The following MYO16 variants were observed in gnomAD, a reference collection of about 807,000 sequenced individuals.
The protein encoded by MYO16 is myosin XVI.
Under a neutral mutation model 205.3 loss-of-function variants are expected in MYO16, and 94 were observed. The observed-to-expected ratio is 0.46, with a 90% CI of 0.39 to 0.54. The LOEUF is 0.54. Ranked by LOEUF, MYO16 falls within the 20% of genes least tolerant of loss-of-function variation. The pLI is 0.00. For missense variants in MYO16, 2,315 were observed against 2,387.5 expected, an observed-to-expected ratio of 0.97 and a Z score of 0.63; for synonymous variants, 988 against 954.0, an observed-to-expected ratio of 1.04 and a Z score of -0.66.
At chr13:108,991,328 T>C (rs9587734) in intron 20 of MYO16, among the ~76,000 whole-genome samples, 2,607 of 152,288 alleles carry the variant, frequency 0.017, 78 homozygotes, top group African/African-American at 0.06. Flanking sequence ...TTTTATCATC[T>C]GTAACTGTAG....
the MYO16 span, among the ~76,000 whole-genome samples, chr13:108,546,059 G>T: frequency 6.6e-6 from 1 of 152,276 alleles, no homozygotes; most frequent in African/African-American, 2.4e-5. Flanking sequence ...GTTATAGCTG[G>T]CCTGTGCGGC....
At chr13:108,714,612 GTATA>G (rs920115318) in intron 3 of MYO16, among the ~76,000 whole-genome samples, 30 of 140,930 alleles carry the variant, frequency 2.1e-4, no homozygotes, top group African/African-American at 7.4e-4. Flanking sequence ...GTGTGTGTGT[GTATA>G]TATATAGAGA....
At chr13:108,991,270 T>A (rs1434668693) in intron 20 of MYO16, among the ~76,000 whole-genome samples, 2 of 152,212 alleles carry the variant, frequency 1.3e-5, no homozygotes, top group Non-Finnish European at 2.9e-5. Context: ...GACTTGGGCC[T>A]GTCTTACATC....
At chr13:108,920,300 C>T (rs182073489) in intron 16 of MYO16, among the ~76,000 whole-genome samples, 10,348 of 138,700 alleles carry the variant, frequency 0.075, 489 homozygotes, top group Middle Eastern at 0.22. Flanking sequence ...CTCTTTCTTT[C>T]TCTTTCTCTT....
At chr13:109,120,611 A>T (rs1875944813) in intron 29 of MYO16, 145 bp downstream of exon 29, 1 of 568,312 alleles carries the variant, frequency 1.8e-6, no homozygotes, top group African/African-American at 1.9e-5. Context: ...TCAGGCAAAT[A>T]GTTTTTGGGT....
At chr13:108,640,017 A>G (rs905139456) in intron 1 of MYO16, among the ~76,000 whole-genome samples, 2 of 152,228 alleles carry the variant, frequency 1.3e-5, no homozygotes, top group Non-Finnish European at 2.9e-5. Flanking sequence ...GCTGTCCAGT[A>G]TGTAGCCATA....
chr13:109,150,206 C>A (rs1366172299), intron 32 of MYO16, among the ~76,000 whole-genome samples: 1 of 152,280 alleles, frequency 6.6e-6, no homozygotes, highest in African/African-American at 2.4e-5. Flanking sequence ...TTTGTCTCTA[C>A]AGCAACTTTC....
At chr13:109,114,701 A>G (rs975573166) in intron 28 of MYO16, among the ~76,000 whole-genome samples, 2 of 152,228 alleles carry the variant, frequency 1.3e-5, no homozygotes, top group Non-Finnish European at 1.5e-5. Context: ...CTATGTCTCC[A>G]TAAGTAACTG....
chr13:108,867,761 T>A (rs1878791664), intron 12 of MYO16, among the ~76,000 whole-genome samples: 1 of 152,218 alleles, frequency 6.6e-6, no homozygotes, highest in African/African-American at 2.4e-5. Flanking sequence ...AAAACCATCA[T>A]GCAGATGAAG....
At chr13:109,189,822 G>T (rs1366506179) in intron 34 of MYO16, among the ~76,000 whole-genome samples, 1 of 152,148 alleles carries the variant, frequency 6.6e-6, no homozygotes. Flanking sequence ...ATTTCATTTA[G>T]AGTAGGCCCA....
chr13:108,974,894 C>T (rs1884195203), intron 20 of MYO16, among the ~76,000 whole-genome samples: 1 of 152,182 alleles, frequency 6.6e-6, no homozygotes, highest in Non-Finnish European at 1.5e-5. Context: ...AAGGAGGGAA[C>T]ATCTTTCAGC....
intron 34 of MYO16, among the ~76,000 whole-genome samples, chr13:109,201,062 GCTTTA>G (rs1880373545): frequency 6.6e-6 from 1 of 152,048 alleles, no homozygotes; most frequent in African/African-American, 2.4e-5. Context: ...TAGTTTTTAT[GCTTTA>G]CTTTGTCTTG....
chr13:108,752,512 A>G (rs1885268574), intron 4 of MYO16, among the ~76,000 whole-genome samples: 1 of 152,376 alleles, frequency 6.6e-6, no homozygotes, highest in East Asian at 1.9e-4. Context: ...CGTCACTGGC[A>G]GAAATCCTAA....
intron 27 of MYO16, among the ~76,000 whole-genome samples, chr13:109,093,270 C>T (rs961809083): frequency 2.0e-5 from 3 of 152,104 alleles, no homozygotes; most frequent in Admixed American, 2.0e-4. Flanking sequence ...GCAAATGGAG[C>T]GTCTAACATA....
chr13:108,968,322 G>T (rs1883876462), intron 20 of MYO16, among the ~76,000 whole-genome samples: 1 of 152,096 alleles, frequency 6.6e-6, no homozygotes, highest in Non-Finnish European at 1.5e-5. Context: ...AGACAATGTA[G>T]TAAGAGGCCA....
At chr13:108,548,927 G>T in the MYO16 span, among the ~76,000 whole-genome samples, 2 of 152,008 alleles carry the variant, frequency 1.3e-5, no homozygotes, top group African/African-American at 4.8e-5. Context: ...CTCCATTTTG[G>T]GGAGGATGGA....
chr13:108,997,643 A>G (rs1885076486), intron 21 of MYO16, among the ~76,000 whole-genome samples: 1 of 152,144 alleles, frequency 6.6e-6, no homozygotes, highest in Non-Finnish European at 1.5e-5. Flanking sequence ...GTTCAAGACC[A>G]GCCTGGCCAA....
intron 15 of MYO16, among the ~76,000 whole-genome samples, chr13:108,902,322 G>A (rs970243753): frequency 2.0e-5 from 3 of 152,200 alleles, no homozygotes; most frequent in African/African-American, 7.2e-5. Context: ...GCTCAACATT[G>A]TTTAAGTCCA....
At chr13:108,700,458 C>T (rs952748438) in intron 2 of MYO16, among the ~76,000 whole-genome samples, 4 of 152,088 alleles carry the variant, frequency 2.6e-5, no homozygotes, top group South Asian at 2.1e-4. Context: ...CTCTCTTCCC[C>T]GGCTCTATAA....
Sources: allele counts gnomAD v4.1 joint callset (sites outside exome capture counted in the v4.1 genomes callset), GRCh38; gene constraint gnomAD v4.1.1; transcripts MANE v1.5; gene names NCBI Gene and HGNC (gene_info 2026-07-23, HGNC 2026-07-21).